EFCAB12: variants seen among roughly 807,000 people sequenced by gnomAD.
The protein encoded by EFCAB12 is EF-hand calcium-binding domain-containing protein 12.
In EFCAB12, 43 loss-of-function variants were observed where a neutral mutation model predicts 53.6. The observed-to-expected ratio is 0.80, with a 90% CI of 0.63 to 1.03. The LOEUF is 1.03. Ranked by LOEUF, EFCAB12 falls within the 50% of genes least tolerant of loss-of-function variation. EFCAB12 has a pLI of 0.00. For missense variants in EFCAB12, 646 were observed against 730.6 expected (o/e 0.88, Z 1.34); for synonymous variants, 269 against 289.2 (o/e 0.93, Z 0.71).
intron 4 of EFCAB12, chr3:129,413,888 T>A (rs1358935350): frequency 6.6e-6 from 1 of 152,190 alleles, no homozygotes; most frequent in African/African-American, 2.4e-5. Context: ...GGCTTTGTGT[T>A]TACTTACTGG....
At chr3:129,422,532 G>C (rs1198533186) in intron 1 of EFCAB12, among the ~76,000 whole-genome samples, 1 of 152,000 alleles carries the variant, frequency 6.6e-6, no homozygotes. Context: ...ATCCTGACTA[G>C]GGGTTGGCAC....
chr3:129,406,183 A>C (rs1479805183), intron 6 of EFCAB12, among the ~76,000 whole-genome samples: 1 of 152,182 alleles, frequency 6.6e-6, no homozygotes, highest in African/African-American at 2.4e-5. Context: ...CTGCAGCTCC[A>C]CCACTGCGTA....
At position 129,404,356 on chromosome 3, in the gene EFCAB12, A is replaced by C. The variant is rs1437274537; in HGVS notation, c.1297T>G (p.Cys433Gly). Residue 433 changes from cysteine (C) to glycine (G), a missense_variant, in exon 7 of 9, where the codon TGC becomes GGC. By Grantham distance (159) the Cys-to-Gly change is radical. Coordinates refer to ENST00000505956, the MANE Select transcript of EFCAB12 (RefSeq NM_207307.3). ...DKIIFQMDKVCPIRQPGGYYS... is the reference protein window; with the variant it reads ...DKIIFQMDKVGPIRQPGGYYS... Reference sequence around the variant, plus strand: ...TAGCCTCCCGGCTGCCGGATGGGGCACACTTTGTCCATCTGGAAAATGATC... The same window carrying C: ...TAGCCTCCCGGCTGCCGGATGGGGCCCACTTTGTCCATCTGGAAAATGATC... 3 of 1,613,844 alleles carry C rather than the reference A, an allele frequency of 1.9e-6. No homozygotes were observed. In the African/African-American group the frequency reaches 4.0e-5, roughly 22 times the overall value.
At chr3:129,411,997 G>A (rs1455826483) in intron 4 of EFCAB12, 2 of 152,302 alleles carry the variant, frequency 1.3e-5, no homozygotes, top group South Asian at 2.1e-4. Flanking sequence ...GATCAGCTGA[G>A]GTCAGTAGTT....
chr3:129,415,541 C>T, intron 3 of EFCAB12, 140 bp from the exon 4 acceptor site: 1 of 1,046,102 alleles, frequency 9.6e-7, no homozygotes, highest in South Asian at 1.6e-5. Flanking sequence ...ACCCAAGGTC[C>T]CTGCTGCAGC....
rs970960888 is a variant in EFCAB12 at position 129,418,289 on chromosome 3, T to C, written c.646A>G (p.Ile216Val). 4 of 1,612,744 alleles carry C rather than the reference T, an allele frequency of 2.5e-6. No homozygotes were observed. In the African/African-American group the frequency reaches 5.3e-5, roughly 22 times the overall value. Residue 216 changes from isoleucine (I) to valine (V), a missense_variant, in exon 3 of 9, where the codon ATC becomes GTC. Coordinates refer to ENST00000505956, the MANE Select transcript of EFCAB12 (RefSeq NM_207307.3). ...HKVGQGENQR[I>V]TREEFIAAVK... ...GCCGCGATGAACTCCTCCCTGGTGA[T>C]TCTCTGGTTCTCACCCTGGCCCACC...
chr3:129,418,118 C>T (rs760789816), intron 3 of EFCAB12, 136 bp downstream of exon 3: 1 of 770,718 alleles, frequency 1.3e-6, no homozygotes, highest in East Asian at 2.9e-5. Context: ...ATAAGGCTGA[C>T]AGTTTGCACT....
chr3:129,427,004 T>G (rs1180354819), intron 1 of EFCAB12, among the ~76,000 whole-genome samples: 2 of 151,510 alleles, frequency 1.3e-5, no homozygotes, highest in African/African-American at 4.9e-5. Context: ...CCTGCCACCA[T>G]GCCCGGCTAA....
intron 2 of EFCAB12, among the ~76,000 whole-genome samples, chr3:129,420,421 C>A (rs2107741496): frequency 6.6e-6 from 1 of 152,196 alleles, no homozygotes; most frequent in African/African-American, 2.4e-5. Flanking sequence ...TCTTCTTATC[C>A]CAAGGAAATG....
At position 129,418,342 on chromosome 3, in the gene EFCAB12, T is replaced by C; in HGVS notation, c.593A>G (p.Lys198Arg). 6.2e-7 allele frequency: 1 copy of C among 1,613,928 alleles called. No homozygotes were observed. Among genetic ancestry groups the C allele is most frequent in the Non-Finnish European group, 8.5e-7 (1 of 1,179,836 alleles). ...SVMYSYLHSR[K>R]IKILEIFHKV... ...GTGAAATATCTCCAGGATCTTGATCTTGCGGCTATGCAGGTAGGAGTACAT... is the reference window on the plus strand; with the variant it reads ...GTGAAATATCTCCAGGATCTTGATCCTGCGGCTATGCAGGTAGGAGTACAT... Residue 198 changes from lysine (K) to arginine (R), a missense_variant, in exon 3 of 9, where the codon AAG becomes AGG. Coordinates refer to ENST00000505956, the MANE Select transcript of EFCAB12 (RefSeq NM_207307.3).
At chr3:129,413,136 CAAG>C (rs2072066905) in intron 4 of EFCAB12, 1 of 152,382 alleles carries the variant, frequency 6.6e-6, no homozygotes, top group Admixed American at 6.5e-5. Context: ...AGAGCTACTG[CAAG>C]AAGAACTACT....
intron 5 of EFCAB12, 28 bp downstream of exon 5, chr3:129,411,129 CG>C: frequency 6.5e-7 from 1 of 1,546,248 alleles, no homozygotes; most frequent in African/African-American, 1.4e-5. Context: ...GTCCCCAAGC[CG>C]CATGCTCTCC....
intron 7 of EFCAB12, 157 bp from the exon 8 acceptor site, chr3:129,402,736 CTG>C (rs2071890019): frequency 1.5e-6 from 1 of 674,556 alleles, no homozygotes; most frequent in African/African-American, 1.8e-5. Context: ...GACCCTGACT[CTG>C]TGCCTCCATG....
In EFCAB12 at chr3:129,401,687, G is replaced by A. The variant is rs1371911523; in HGVS notation, c.1625C>T (p.Ala542Val). 3 of 1,591,236 alleles carry A rather than the reference G, an allele frequency of 1.9e-6. No individual in the cohort carries two copies. Among genetic ancestry groups the A allele is most frequent in the South Asian group, 1.1e-5 (1 of 87,524 alleles). Residue 542 changes from alanine (A) to valine (V), a missense_variant, in exon 9 of 9, where the codon GCC becomes GTC. By Grantham distance (64) the Ala-to-Val change is moderately conservative. Transcript: ENST00000505956. ...CVQHQPHVYP[A>V]TYHPDHWWPL... is the part of the protein sequence containing the mutation. Reference sequence around the variant, plus strand: ...CCACCAGTGGTCAGGGTGGTAGGTGGCTGGGTAGACATGGGGCTGGTGTTG... The same window carrying A: ...CCACCAGTGGTCAGGGTGGTAGGTGACTGGGTAGACATGGGGCTGGTGTTG...
At chr3:129,424,086 C>A (rs2072221398) in intron 1 of EFCAB12, among the ~76,000 whole-genome samples, 1 of 152,212 alleles carries the variant, frequency 6.6e-6, no homozygotes, top group South Asian at 2.1e-4. Flanking sequence ...AAGATACTTT[C>A]TGCATCTTTC....
intron 3 of EFCAB12, 118 bp downstream of exon 3, chr3:129,418,125 CACTCCTTGTGT>C: frequency 2.4e-6 from 2 of 828,880 alleles, no homozygotes; most frequent in Admixed American, 6.2e-5. Context: ...TGACAGTTTG[CACTCCTTGTGT>C]CTACTTCTCA....
intron 5 of EFCAB12, among the ~76,000 whole-genome samples, chr3:129,410,342 G>C (rs978074268): frequency 4.0e-5 from 6 of 148,156 alleles, no homozygotes; most frequent in Admixed American, 6.8e-5. Flanking sequence ...TTTGAGACAA[G>C]ATCTTGCTCT....
intron 7 of EFCAB12, 190 bp from the exon 8 acceptor site, chr3:129,402,769 C>T: frequency 3.4e-6 from 2 of 586,648 alleles, no homozygotes; most frequent in South Asian, 4.1e-5. Flanking sequence ...ACACAGTGGG[C>T]TTGGGTCAGC....
chr3:129,417,355 C>A, intron 3 of EFCAB12, among the ~76,000 whole-genome samples: 4 of 129,668 alleles, frequency 3.1e-5, no homozygotes, highest in Admixed American at 7.6e-5. Flanking sequence ...AAAAAAAAAC[C>A]CAAAACCAAA....
Sources: gnomAD v4.1 joint callset for allele counts (sites outside exome capture counted in the v4.1 genomes callset) on GRCh38, gnomAD v4.1.1 for gene constraint, MANE v1.5 for transcripts, NCBI Gene and HGNC (gene_info 2026-07-23, HGNC 2026-07-21) for gene names.